The following PPFIBP2 variants were observed in gnomAD, a reference collection of about 807,000 sequenced individuals.
PPFIBP2 encodes PPFIB scaffold protein 2.
A neutral mutation model predicts 118.3 loss-of-function variants in PPFIBP2; 118 were observed. The ratio of observed to expected loss-of-function variants is 1.00; its 90% CI spans 0.86 to 1.16. The LOEUF (loss-of-function observed/expected upper bound fraction) is 1.16, where lower values mean the gene tolerates loss of function less well. Among genes scored for constraint, PPFIBP2 ranks in the 50% most tolerant of loss-of-function variants. The pLI, the probability that PPFIBP2 is intolerant of heterozygous loss-of-function variation, is 0.00. For synonymous variants in PPFIBP2, 414 were observed against 397.4 expected, an observed-to-expected ratio of 1.04 and a Z score of -0.50; for missense variants, 1,195 against 1,073.1, an observed-to-expected ratio of 1.11 and a Z score of -1.59.
At chr11:7,630,133 C>T (rs990540348) in intron 10 of PPFIBP2, among the ~76,000 whole-genome samples, 1 of 152,146 alleles carries the variant, frequency 6.6e-6, no homozygotes, top group African/African-American at 2.4e-5. Flanking sequence ...TTGACCTGGG[C>T]TCCCATCATA....
intron 1 of PPFIBP2, among the ~76,000 whole-genome samples, chr11:7,537,047 G>A (rs1274958422): frequency 6.6e-6 from 1 of 152,102 alleles, no homozygotes; most frequent in African/African-American, 2.4e-5. Flanking sequence ...CCTTGAGAAG[G>A]ATCCTTCCTT....
At chr11:7,659,611 G>T (rs1377021696), downstream of PPFIBP2, among the ~76,000 whole-genome samples, 1 of 144,592 alleles carries the variant, frequency 6.9e-6, no homozygotes, top group African/African-American at 2.5e-5. Flanking sequence ...TTTTGGCTTA[G>T]GATTGACTTG....
At chr11:7,587,787 C>T (rs1858470412) in intron 3 of PPFIBP2, among the ~76,000 whole-genome samples, 1 of 152,216 alleles carries the variant, frequency 6.6e-6, no homozygotes, top group Non-Finnish European at 1.5e-5. Context: ...ACAAGTCAAG[C>T]CTGGATCAAG....
chr11:7,561,857 A>C (rs547631365), intron 2 of PPFIBP2, among the ~76,000 whole-genome samples: 1 of 152,214 alleles, frequency 6.6e-6, no homozygotes, highest in South Asian at 2.1e-4. Flanking sequence ...TATAGTTAAG[A>C]TATTAGCTGG....
chr11:7,595,807 T>C (rs1860175049), intron 4 of PPFIBP2, among the ~76,000 whole-genome samples: 1 of 152,142 alleles, frequency 6.6e-6, no homozygotes, highest in Non-Finnish European at 1.5e-5. Context: ...ACAAAATACT[T>C]TGTTTCTAGG....
intron 15 of PPFIBP2, chr11:7,641,095 A>C: frequency 8.0e-7 from 1 of 1,253,564 alleles, no homozygotes; most frequent in Non-Finnish European, 1.0e-6. Context: ...TGAGGTGGAG[A>C]GTGAGAATGC....
chr11:7,627,611 T>C (rs1272832729), intron 8 of PPFIBP2, among the ~76,000 whole-genome samples: 1 of 152,188 alleles, frequency 6.6e-6, no homozygotes. Flanking sequence ...ACAGAGTCCC[T>C]CTTGGGTCCA....
At chr11:7,542,978 C>G (rs148147894) in intron 1 of PPFIBP2, among the ~76,000 whole-genome samples, 1 of 152,212 alleles carries the variant, frequency 6.6e-6, no homozygotes, top group Admixed American at 6.5e-5. Flanking sequence ...AGACTCACAG[C>G]CATTATGCAG....
At chr11:7,573,152 C>T (rs1413743942) in intron 3 of PPFIBP2, among the ~76,000 whole-genome samples, 1 of 152,168 alleles carries the variant, frequency 6.6e-6, no homozygotes, top group Non-Finnish European at 1.5e-5. Flanking sequence ...GTAGTACGAG[C>T]ATCACCTGGG....
At chr11:7,587,386 C>T (rs1157367500) in intron 3 of PPFIBP2, among the ~76,000 whole-genome samples, 1 of 152,222 alleles carries the variant, frequency 6.6e-6, no homozygotes, top group Non-Finnish European at 1.5e-5. Flanking sequence ...CAATTCAGAA[C>T]TATATCCAAA....
intron 9 of PPFIBP2, 102 bp from the exon 10 acceptor site, chr11:7,629,357 G>A: frequency 8.7e-7 from 1 of 1,148,838 alleles, no homozygotes; most frequent in Non-Finnish European, 1.3e-6. Context: ...TTCCACGTGG[G>A]ATTTCTTCTC....
At chr11:7,653,877 G>A (rs749474460), downstream of PPFIBP2, 3 of 1,013,708 alleles carry the variant, frequency 3.0e-6, no homozygotes, top group South Asian at 1.7e-5. Flanking sequence ...CCTCAGCCAG[G>A]TGCATGCTCA....
At chr11:7,583,300 T>C (rs934897335) in intron 3 of PPFIBP2, among the ~76,000 whole-genome samples, 5 of 152,230 alleles carry the variant, frequency 3.3e-5, no homozygotes, top group Non-Finnish European at 7.3e-5. Flanking sequence ...CTTTGGCTCT[T>C]GCCTAATTCT....
At chr11:7,535,112 A>AGGAAATCC (rs1265919812) in intron 1 of PPFIBP2, among the ~76,000 whole-genome samples, 2 of 152,102 alleles carry the variant, frequency 1.3e-5, no homozygotes, top group Non-Finnish European at 2.9e-5. Context: ...TTCCCAGGGG[A>AGGAAATCC]GGAAATCCTG....
rs569617075 is a variant in PPFIBP2, at chr11:7,519,309, G to T, written c.-37+5188G>T. 1.2e-4 allele frequency among the ~76,000 whole-genome samples: 18 copies of T among 152,294 alleles called. No homozygotes were observed. In the South Asian group the frequency reaches 3.7e-3, roughly 32 times the overall value. On this transcript the variant is annotated intron_variant, in intron 1 of 23. Transcript: ENST00000299492. The stretch of plus-strand genomic sequence containing the variant: ...GGTCGGGAGGAGAAAGGCGATCAGG[G>T]CTGCGAGAATGGAGGAGAAGGATTT...
intron 3 of PPFIBP2, among the ~76,000 whole-genome samples, chr11:7,570,745 G>A (rs554330881): frequency 8.5e-5 from 13 of 152,306 alleles, no homozygotes; most frequent in African/African-American, 3.1e-4. Flanking sequence ...GGGTGAGGGA[G>A]TATGGAAGGT....
At chr11:7,597,109 G>A (rs1007068256) in intron 4 of PPFIBP2, 2 of 1,340,518 alleles carry the variant, frequency 1.5e-6, no homozygotes, top group Admixed American at 2.9e-5. Flanking sequence ...TGATAGGTGA[G>A]CAGTCCTCAC....
intron 19 of PPFIBP2, 63 bp downstream of exon 19, chr11:7,648,974 T>C: frequency 6.8e-7 from 1 of 1,463,616 alleles, no homozygotes; most frequent in Non-Finnish European, 9.6e-7. Flanking sequence ...GAAAGAATTT[T>C]CCTGTTAAAT....
At chr11:7,524,800 G>T (rs772934701) in intron 1 of PPFIBP2, among the ~76,000 whole-genome samples, 1 of 152,066 alleles carries the variant, frequency 6.6e-6, no homozygotes, top group Non-Finnish European at 1.5e-5. Flanking sequence ...GATCGATTTG[G>T]GATAGGAATA....
Sources: allele counts gnomAD v4.1 joint callset (sites outside exome capture counted in the v4.1 genomes callset), GRCh38; gene constraint gnomAD v4.1.1; transcripts MANE v1.5; gene names NCBI Gene and HGNC (gene_info 2026-07-23, HGNC 2026-07-21).